Variants in SLC3A1 observed in about 807,000 individuals in gnomAD.
The protein encoded by SLC3A1 is amino acid transporter heavy chain SLC3A1.
SLC3A1 carries 78 observed loss-of-function variants against 60.3 expected under a neutral mutation model. The observed-to-expected ratio is 1.29, with a 90% CI of 1.08 to 1.56. The LOEUF (loss-of-function observed/expected upper bound fraction) is 1.56, where lower values mean the gene tolerates loss of function less well. Ranked by LOEUF, SLC3A1 falls within the 40% of genes most tolerant of loss-of-function variation. The pLI, the probability that SLC3A1 is intolerant of heterozygous loss-of-function variation, is 0.00. For missense variants in SLC3A1, 1,172 were observed against 858.9 expected (o/e 1.36, Z -4.56); for synonymous variants, 392 against 307.9 (o/e 1.27, Z -2.86).
At position 44,315,412 on chromosome 2, in the gene SLC3A1, G is replaced by T. The variant is rs1050281255; in HGVS notation, c.1617+1461G>T. ...AGCTGTAATCCCAGCATTTTGGGAG[G>T]CAAAAGCCAGAGGAATGCTTGAGCA... On this transcript the variant is annotated intron_variant, in intron 9 of 9. Coordinates refer to ENST00000260649, the MANE Select transcript of SLC3A1 (RefSeq NM_000341.4). Among the ~76,000 whole-genome samples, 4 of 151,426 alleles carry T rather than the reference G, an allele frequency of 2.6e-5. No homozygotes were observed. The East Asian group carries it at 7.8e-4, about 29-fold the overall frequency.
At position 44,320,291 on chromosome 2, in the gene SLC3A1, T is replaced by C. The variant is rs1044245041; in HGVS notation, c.1710T>C (p.Phe570=). 27 of 1,613,976 alleles carry C rather than the reference T, an allele frequency of 1.7e-5. No homozygotes were observed. The highest frequency in any genetic ancestry group is 2.1e-5 in the Non-Finnish European group (25 of 1,179,960). Residue 570 remains phenylalanine (F), a synonymous_variant, in exon 10 of 10, where the codon TTT becomes TTC. Transcript: ENST00000260649. ...AGCTACTCCTCAACAGGGGCTGGTTTTGCCATTTGAGGAATGACAGCCACT... is the reference window on the plus strand; with the variant it reads ...AGCTACTCCTCAACAGGGGCTGGTTCTGCCATTTGAGGAATGACAGCCACT... ...ANELLLNRGW[F]CHLRNDSHYV...
At chr2:44,284,766 A>G (rs1188734236) in intron 3 of SLC3A1, among the ~76,000 whole-genome samples, 1 of 151,908 alleles carries the variant, frequency 6.6e-6, no homozygotes, top group Non-Finnish European at 1.5e-5. Flanking sequence ...GGCTCTCACT[A>G]TGTTGCCCAA....
At chr2:44,315,860 T>C (rs1023127147) in intron 9 of SLC3A1, among the ~76,000 whole-genome samples, 13 of 152,060 alleles carry the variant, frequency 8.5e-5, no homozygotes, top group African/African-American at 3.1e-4. Flanking sequence ...CTGAAGCTTC[T>C]ACAAGTGCAT....
chr2:44,320,684 G>C lies in SLC3A1; in HGVS notation c.*45G>C. On this transcript the variant is annotated 3_prime_UTR_variant, in exon 10 of 10. Transcript: ENST00000260649. The stretch of plus-strand genomic sequence containing the variant: ...AAGACACTGGCATTTCAGTGGGATT[G>C]TAAGCATTTGTAATAGCTTCATGTA... The C allele has an allele frequency of 2.8e-6, 4 of 1,415,926 alleles. No individual in the cohort carries two copies. Among genetic ancestry groups the C allele is most frequent in the Non-Finnish European group, 4.0e-6 (4 of 1,000,090 alleles). The allele number at this position is 1,415,926 out of a possible 1,614,324, so 87.7% of individuals were successfully genotyped here.
chr2:44,281,554 C>G lies in SLC3A1; in HGVS notation c.765+13C>G, dbSNP rs1188983963. The G allele has an allele frequency of 1.5e-5, 24 of 1,613,284 alleles. No homozygotes were observed. Among genetic ancestry groups the G allele is most frequent in the African/African-American group, 5.3e-5 (4 of 74,868 alleles). On this transcript the variant is annotated intron_variant, in intron 3 of 9. Transcript: ENST00000260649. Reference sequence around the variant, plus strand: ...ACCCAACAACTGGGTAAGTATCAACCTGTCTGACTTACAAAGGGGTAAAAG... The same window carrying G: ...ACCCAACAACTGGGTAAGTATCAACGTGTCTGACTTACAAAGGGGTAAAAG...
chr2:44,306,550 CTTTTTTTT>C (rs11290172), intron 7 of SLC3A1, among the ~76,000 whole-genome samples: 2,371 of 101,216 alleles, frequency 0.023, 20 homozygotes, highest in Non-Finnish European at 0.035. Flanking sequence ...TACCATAAAA[CTTTTTTTT>C]TTTTTTTTTT....
Position 44,320,380 on chromosome 2 carries a change from G to C in SLC3A1, c.1799G>C (p.Gly600Ala). ...DRIFIVVLNF[G>A]ESTLLNLHNM... ...ATCTTTATCGTGGTTCTGAATTTTG[G>C]AGAATCAACACTGTTAAATCTACAT... Residue 600 changes from glycine (G) to alanine (A), a missense_variant, in exon 10 of 10, where the codon GGA (glycine) becomes GCA (alanine). By Grantham distance (60) the Gly-to-Ala change is moderately conservative. Transcript: ENST00000260649. 4 of 1,614,018 alleles carry C rather than the reference G, an allele frequency of 2.5e-6. No homozygotes were observed. The highest frequency in any genetic ancestry group is 2.5e-6 in the Non-Finnish European group (3 of 1,179,928).
intron 4 of SLC3A1, among the ~76,000 whole-genome samples, chr2:44,297,359 T>A (rs545148473): frequency 2.6e-5 from 4 of 152,294 alleles, no homozygotes; most frequent in African/African-American, 9.6e-5. Context: ...CACGGTCACC[T>A]GGTCCTCCCA....
At chr2:44,307,621 T>C (rs1672190324) in intron 7 of SLC3A1, among the ~76,000 whole-genome samples, 1 of 151,822 alleles carries the variant, frequency 6.6e-6, no homozygotes, top group Non-Finnish European at 1.5e-5. Flanking sequence ...GGTATTTTCA[T>C]GTGCTTATTG....
intron 9 of SLC3A1, among the ~76,000 whole-genome samples, chr2:44,317,005 C>G (rs922094536): frequency 1.3e-5 from 2 of 148,610 alleles, no homozygotes; most frequent in African/African-American, 4.9e-5. Context: ...TGATTTGATT[C>G]TATATGGGAA....
At position 44,296,896 on chromosome 2, in the gene SLC3A1, T is replaced by G. The variant is rs543799081; in HGVS notation, c.892-3075T>G. On this transcript the variant is annotated intron_variant, in intron 4 of 9. Transcript: ENST00000260649. ...TGATGGTTTTATAAGTGGGAGTTCTTCTGCACAAACTCTCTCGCCTGCTGT... is the reference window on the plus strand; with the variant it reads ...TGATGGTTTTATAAGTGGGAGTTCTGCTGCACAAACTCTCTCGCCTGCTGT... Among the ~76,000 whole-genome samples, 7 of 152,312 alleles carry G rather than the reference T, an allele frequency of 4.6e-5. No individual in the cohort carries two copies. In the East Asian group the frequency reaches 5.8e-4, roughly 13 times the overall value.
At chr2:44,307,375 G>A (rs1431428857) in intron 7 of SLC3A1, among the ~76,000 whole-genome samples, 3 of 152,094 alleles carry the variant, frequency 2.0e-5, no homozygotes, top group South Asian at 4.2e-4. Context: ...GCTCCACTGG[G>A]CATATGGTAA....
At chr2:44,310,532 A>C (rs759308886) in intron 7 of SLC3A1, among the ~76,000 whole-genome samples, 2 of 152,088 alleles carry the variant, frequency 1.3e-5, no homozygotes, top group Non-Finnish European at 2.9e-5. Flanking sequence ...CTTACATGTG[A>C]TGTACCAATT....
At chr2:44,293,041 G>A (rs1671773629) in intron 4 of SLC3A1, among the ~76,000 whole-genome samples, 1 of 152,064 alleles carries the variant, frequency 6.6e-6, no homozygotes, top group Non-Finnish European at 1.5e-5. Context: ...GCATAGAGGT[G>A]CAGAGAAATC....
intron 3 of SLC3A1, among the ~76,000 whole-genome samples, chr2:44,283,965 T>A (rs1311562192): frequency 1.3e-5 from 2 of 152,166 alleles, no homozygotes; most frequent in Non-Finnish European, 2.9e-5. Flanking sequence ...GAACAATCCA[T>A]GGTTTACTTA....
intron 4 of SLC3A1, among the ~76,000 whole-genome samples, chr2:44,296,097 A>T (rs1671840480): frequency 6.6e-6 from 1 of 152,138 alleles, no homozygotes; most frequent in Admixed American, 6.5e-5. Context: ...AAGCCACTGA[A>T]AACCTGTTCT....
intron 4 of SLC3A1, among the ~76,000 whole-genome samples, chr2:44,295,586 T>C (rs1671830007): frequency 1.3e-5 from 2 of 152,238 alleles, no homozygotes; most frequent in South Asian, 2.1e-4. Flanking sequence ...TTTCAGAAAA[T>C]GTCCATCAAG....
At chr2:44,298,817 C>G (rs116197265) in intron 4 of SLC3A1, among the ~76,000 whole-genome samples, 124 of 152,278 alleles carry the variant, frequency 8.1e-4, no homozygotes, top group African/African-American at 2.9e-3. Context: ...TGACTACCTT[C>G]TCTCTAGCAA....
At chr2:44,299,513 C>T (rs1285822325) in intron 4 of SLC3A1, among the ~76,000 whole-genome samples, 2 of 152,170 alleles carry the variant, frequency 1.3e-5, no homozygotes, top group African/African-American at 2.4e-5. Flanking sequence ...AAGCACTTCA[C>T]CTCTCATCTG....
Sources: allele counts gnomAD v4.1 joint callset (sites outside exome capture counted in the v4.1 genomes callset), GRCh38; gene constraint gnomAD v4.1.1; transcripts MANE v1.5; gene names NCBI Gene and HGNC (gene_info 2026-07-23, HGNC 2026-07-21).